The following COL4A4 variants were observed in gnomAD, a reference collection of about 807,000 sequenced individuals.
COL4A4 encodes collagen alpha-4(IV) chain.
COL4A4 carries 105 observed loss-of-function variants against 192.9 expected under a neutral mutation model. The ratio of observed to expected loss-of-function variants is 0.54; its 90% CI spans 0.46 to 0.64. The LOEUF is 0.64. COL4A4 is among the 30% of genes least tolerant of loss of function. The pLI is 0.00. For synonymous variants in COL4A4, 762 were observed against 769.9 expected (o/e 0.99, Z 0.17); for missense variants, 1,967 against 2,169.3 (o/e 0.91, Z 1.85).
At chr2:227,016,995 G>A (rs1381348889) in intron 44 of COL4A4, among the ~76,000 whole-genome samples, 1 of 152,176 alleles carries the variant, frequency 6.6e-6, no homozygotes, top group Admixed American at 6.5e-5. Flanking sequence ...CACCTTCCAA[G>A]AGAGTATCAG....
At chr2:227,001,100 CTTT>C (rs1193019703), downstream of COL4A4, among the ~76,000 whole-genome samples, 2 of 144,304 alleles carry the variant, frequency 1.4e-5, no homozygotes, top group Non-Finnish European at 1.5e-5. Flanking sequence ...TTTCTTTTTT[CTTT>C]TTTTTTTTTG....
chr2:227,141,573 A>G (rs1456505494), intron 3 of COL4A4, among the ~76,000 whole-genome samples: 1 of 152,248 alleles, frequency 6.6e-6, no homozygotes, highest in Non-Finnish European at 1.5e-5. Flanking sequence ...AAATATGCTC[A>G]GACACAATCC....
chr2:227,093,014 G>A (rs1456700304), intron 20 of COL4A4, among the ~76,000 whole-genome samples: 1 of 152,194 alleles, frequency 6.6e-6, no homozygotes, highest in African/African-American at 2.4e-5. Context: ...AGGAGAAGGA[G>A]TTGTGGGGGA....
rs548754127 is a variant in COL4A4 at position 227,032,060 on chromosome 2, G to A, written c.3707-5C>T. ...GACCAGGTGGTCCTGAACTCCCTAA[G>A]AAGAGACATGTTCACATGTTATCCT... On this transcript the variant is annotated splice_polypyrimidine_tract_variant and splice_region_variant and intron_variant, in intron 39 of 47. Coordinates refer to ENST00000396625, the MANE Select transcript of COL4A4 (RefSeq NM_000092.5). 1 of 1,613,970 alleles carries A rather than the reference G, an allele frequency of 6.2e-7. No individual in the cohort carries two copies. The highest frequency in any genetic ancestry group is 1.3e-5 in the African/African-American group (1 of 75,032).
intron 7 of COL4A4, 49 bp downstream of exon 7, chr2:227,118,596 G>A (rs765743487): frequency 7.4e-7 from 1 of 1,346,852 alleles, no homozygotes; most frequent in East Asian, 2.3e-5. Context: ...TTCCACCACA[G>A]GGCCTGTTCA....
intron 47 of COL4A4, 60 bp downstream of exon 47, chr2:227,007,958 G>C: frequency 6.3e-7 from 1 of 1,575,662 alleles, no homozygotes; most frequent in Non-Finnish European, 8.6e-7. Flanking sequence ...GAGAGAAATG[G>C]CGGGAGAAGG....
At chr2:227,049,547 T>C (rs566093797) in intron 34 of COL4A4, among the ~76,000 whole-genome samples, 2 of 152,010 alleles carry the variant, frequency 1.3e-5, no homozygotes, top group African/African-American at 4.8e-5. Context: ...AGTAAAAAAA[T>C]AATAATAATA....
At chr2:227,101,951 G>A (rs1254086550) in intron 15 of COL4A4, 42 bp from the exon 16 acceptor site, 3 of 1,464,594 alleles carry the variant, frequency 2.0e-6, no homozygotes, top group Non-Finnish European at 2.8e-6. Context: ...AATTAAATCA[G>A]AATGCATTAA....
chr2:227,112,214 A>G (rs2061250493), intron 8 of COL4A4, among the ~76,000 whole-genome samples: 2 of 152,174 alleles, frequency 1.3e-5, no homozygotes, highest in Non-Finnish European at 2.9e-5. Context: ...ATTCTCTTGA[A>G]TGAAGCCTCT....
chr2:227,030,970 G>A (rs966856382), intron 40 of COL4A4, among the ~76,000 whole-genome samples: 6 of 112,960 alleles, frequency 5.3e-5, no homozygotes, highest in Admixed American at 1.8e-4. Context: ...GGATGGATAG[G>A]TGGATAGACG....
intron 24 of COL4A4, 115 bp from the exon 25 acceptor site, chr2:227,078,192 C>G (rs1469374138): frequency 1.4e-5 from 13 of 921,088 alleles, no homozygotes; most frequent in Non-Finnish European, 2.2e-5. Flanking sequence ...GAGACAGTTA[C>G]TCTTAAGCAA....
intron 12 of COL4A4, among the ~76,000 whole-genome samples, chr2:227,106,841 C>G (rs1226941148): frequency 6.6e-6 from 1 of 152,248 alleles, no homozygotes; most frequent in Non-Finnish European, 1.5e-5. Flanking sequence ...ACTGGGATTA[C>G]AGGCGTGAGC....
chr2:227,143,278 C>T (rs185742737), intron 3 of COL4A4, among the ~76,000 whole-genome samples: 1 of 152,256 alleles, frequency 6.6e-6, no homozygotes, highest in Admixed American at 6.5e-5. Flanking sequence ...CTGAACACTA[C>T]CCTGAAATTA....
At chr2:226,984,548 A>G in the COL4A4 span, among the ~76,000 whole-genome samples, 113 of 152,292 alleles carry the variant, frequency 7.4e-4, no homozygotes, top group African/African-American at 2.6e-3. Context: ...TTGGACTTCA[A>G]CGTATGGATT....
At chr2:227,064,875 T>G (rs1175444754) in intron 25 of COL4A4, among the ~76,000 whole-genome samples, 1 of 152,058 alleles carries the variant, frequency 6.6e-6, no homozygotes, top group Non-Finnish European at 1.5e-5. Context: ...CTACAAGAAA[T>G]GCTAAAAGGG....
chr2:227,122,723 TAGC>T (rs1390146290), intron 4 of COL4A4, among the ~76,000 whole-genome samples: 1 of 152,134 alleles, frequency 6.6e-6, no homozygotes, highest in Non-Finnish European at 1.5e-5. Context: ...GACAATCGCA[TAGC>T]ATGAAGGCCA....
intron 9 of COL4A4, among the ~76,000 whole-genome samples, chr2:227,110,996 A>G (rs2061171658): frequency 1.3e-5 from 2 of 152,208 alleles, no homozygotes; most frequent in Admixed American, 6.5e-5. Flanking sequence ...ACTGCTCTCA[A>G]TTTTAGTCTT....
chr2:227,002,168 CAAAAAAAAAAA>C (rs55908824), downstream of COL4A4, among the ~76,000 whole-genome samples: 48 of 76,176 alleles, frequency 6.3e-4, no homozygotes, highest in East Asian at 0.017. Context: ...GACCCTGTCT[CAAAAAAAAAAA>C]AAAAAAAAAA....
intron 26 of COL4A4, among the ~76,000 whole-genome samples, chr2:227,062,094 C>T (rs537330796): frequency 3.0e-4 from 46 of 151,922 alleles, no homozygotes; most frequent in African/African-American, 8.0e-4. Flanking sequence ...AAAAATTAGC[C>T]GGGCACGGTG....
Sources: gnomAD v4.1 joint callset for allele counts (sites outside exome capture counted in the v4.1 genomes callset) on GRCh38, gnomAD v4.1.1 for gene constraint, MANE v1.5 for transcripts, NCBI Gene and HGNC (gene_info 2026-07-23, HGNC 2026-07-21) for gene names.